The following PCNT variants were observed in gnomAD, a reference collection of about 807,000 sequenced individuals.
PCNT encodes kendrin.
PCNT carries 319 observed loss-of-function variants against 380.4 expected under a neutral mutation model. That is an observed-to-expected ratio of 0.84 (90% CI 0.77 to 0.92). The LOEUF is 0.92. Ranked by LOEUF, PCNT falls within the 40% of genes least tolerant of loss-of-function variation. The pLI, the probability that PCNT is intolerant of heterozygous loss-of-function variation, is 0.00. For synonymous variants in PCNT, 1,845 were observed against 1,735.2 expected (o/e 1.06, Z -1.57); for missense variants, 4,400 against 4,255.3 (o/e 1.03, Z -0.95).
intron 38 of PCNT, 93 bp from the exon 39 acceptor site, chr21:46,435,811 G>A (rs1248199829): frequency 5.4e-6 from 8 of 1,479,612 alleles, no homozygotes; most frequent in Non-Finnish European, 6.6e-6. Context: ...CAAAGTGCTA[G>A]GATTACAGGC....
In PCNT at chr21:46,432,101, C is replaced by T. The variant is rs773750552; in HGVS notation, c.8637C>T (p.His2879=). Residue 2879 remains histidine, a synonymous_variant, in exon 38 of 47, where the codon CAC becomes CAT. Coordinates refer to ENST00000359568, the MANE Select transcript of PCNT (RefSeq NM_006031.6). ...TGCAGGCAGAATTAGAGCAGTCACA[C>T]CCACGGTTGAAAGAGCAAGAAGGAC... The part of the protein sequence containing the change: ...AWLQAELEQS[H]PRLKEQEGRK... 18 of 1,614,020 alleles carry T rather than the reference C, an allele frequency of 1.1e-5. No homozygotes were observed. In the South Asian group the frequency reaches 1.8e-4, roughly 16 times the overall value.
At chr21:46,405,907 TC>T (rs1231851694) in intron 27 of PCNT, among the ~76,000 whole-genome samples, 1 of 152,260 alleles carries the variant, frequency 6.6e-6, no homozygotes, top group African/African-American at 2.4e-5. Flanking sequence ...GTGGGATTTT[TC>T]TTACAGATAT....
chr21:46,424,783 C>T (rs141861158), intron 32 of PCNT, among the ~76,000 whole-genome samples: 2,112 of 150,638 alleles, frequency 0.014, 58 homozygotes, highest in African/African-American at 0.049. Flanking sequence ...CGCACCACCC[C>T]GCTCCCCTCA....
rs752985118 is a variant in PCNT at position 46,334,748 on chromosome 21, C to G, written c.619C>G (p.Gln207Glu). The change falls in exon 3 of 47, where the codon CAG becomes GAG. Residue 207 changes from glutamine to glutamate, a missense_variant. Coordinates refer to ENST00000359568, the MANE Select transcript of PCNT (RefSeq NM_006031.6). ...CACAATCAGTGACCACCCAGCAGAA[C>G]AGCGTGGGATGTTCACAAAGGTATT... Reference protein sequence around the residue: ...IFTISDHPAEQRGMFTKECEQ... With the variant: ...IFTISDHPAEERGMFTKECEQ... 10 of 1,614,118 alleles carry G rather than the reference C, an allele frequency of 6.2e-6. No individual in the cohort carries two copies. The highest frequency in any genetic ancestry group is 8.5e-6 in the Non-Finnish European group (10 of 1,180,016).
At chr21:46,393,659 G>A (rs534364666) in intron 21 of PCNT, among the ~76,000 whole-genome samples, 11 of 152,204 alleles carry the variant, frequency 7.2e-5, no homozygotes, top group East Asian at 1.9e-4. Context: ...TCTGTTGAAC[G>A]GCCCGGTGAG....
At position 46,435,935 on chromosome 21, in the gene PCNT, T is replaced by G. The variant is rs1364381952; in HGVS notation, c.8783T>G (p.Leu2928Trp). The G allele has an allele frequency of 1.2e-6, 2 of 1,614,190 alleles. No individual in the cohort carries two copies. The highest frequency in any genetic ancestry group is 2.7e-5 in the African/African-American group (2 of 75,068). The change falls in exon 39 of 47, where the codon TTG (leucine) becomes TGG (tryptophan). Residue 2928 changes from leucine to tryptophan, a missense_variant. Physicochemically the swap from Leu to Trp is moderately conservative, Grantham distance 61 (BLOSUM62 -2). Coordinates refer to ENST00000359568, the MANE Select transcript of PCNT (RefSeq NM_006031.6). Reference sequence around the variant, plus strand: ...TTAGAACTGCAGCGTCAGCGTGACTTGCATAAGATCAAGCAGCTTCAGCAG... The same window carrying G: ...TTAGAACTGCAGCGTCAGCGTGACTGGCATAAGATCAAGCAGCTTCAGCAG... ...RELELQRQRDLHKIKQLQQTV... is the reference protein window; with the variant it reads ...RELELQRQRDWHKIKQLQQTV...
At chr21:46,389,061 G>A in intron 18 of PCNT, 138 bp from the exon 19 acceptor site, 1 of 1,274,094 alleles carries the variant, frequency 7.8e-7, no homozygotes, top group South Asian at 1.3e-5. Context: ...AAATTTGTCA[G>A]CTCCCGTGGA....
chr21:46,438,934 G>C (rs1273648792), intron 41 of PCNT, among the ~76,000 whole-genome samples: 1 of 152,048 alleles, frequency 6.6e-6, no homozygotes, highest in Non-Finnish European at 1.5e-5. Context: ...CTCCCAAAGT[G>C]CTGGGATTAC....
intron 1 of PCNT, chr21:46,325,043 C>T (rs1296817999): frequency 1.0e-6 from 1 of 985,536 alleles, no homozygotes; most frequent in Non-Finnish European, 1.2e-6. Context: ...GGGACGCGCT[C>T]CCGTCTTTCT....
At chr21:46,365,024 G>A (rs1043054873) in intron 14 of PCNT, among the ~76,000 whole-genome samples, 1 of 152,246 alleles carries the variant, frequency 6.6e-6, no homozygotes, top group African/African-American at 2.4e-5. Context: ...CCTCCTGATG[G>A]GAGCAGGTCC....
chr21:46,394,088 T>C (rs1039794967), intron 21 of PCNT, among the ~76,000 whole-genome samples: 14 of 152,338 alleles, frequency 9.2e-5, no homozygotes, highest in African/African-American at 3.4e-4. Flanking sequence ...CTCACTCTGG[T>C]TTGTTTTCTT....
At chr21:46,402,615 A>G in intron 27 of PCNT, 132 bp downstream of exon 27, 3 of 903,990 alleles carry the variant, frequency 3.3e-6, no homozygotes, top group Non-Finnish European at 5.4e-6. Flanking sequence ...TGTGGCAGAC[A>G]GTGCAGAGAG....
chr21:46,357,641 C>G (rs1327717130), intron 13 of PCNT, among the ~76,000 whole-genome samples: 1 of 152,152 alleles, frequency 6.6e-6, no homozygotes, highest in Non-Finnish European at 1.5e-5. Flanking sequence ...GTTGGCCAGG[C>G]AGGTGTCAAA....
At position 46,413,101 on chromosome 21, in the gene PCNT, C is replaced by T. The variant is rs61544820; in HGVS notation, c.6150+109C>T. 3,571 of 520,582 alleles carry T rather than the reference C, an allele frequency of 6.9e-3. 63 individuals are homozygous for T. The African/African-American group carries it at 0.077, about 11-fold the overall frequency. 32.2% of individuals were successfully genotyped at this position (520,582 alleles called of 1,614,324 possible). Reference sequence around the variant, plus strand: ...AGGCCCACCCGGGAGAGGCTGGACACGCGGCAGCAAGGTGTGGGGAGCGGG... The same window carrying T: ...AGGCCCACCCGGGAGAGGCTGGACATGCGGCAGCAAGGTGTGGGGAGCGGG... On this transcript the variant is annotated intron_variant, in intron 29 of 46. Transcript: ENST00000359568.
intron 42 of PCNT, 24 bp downstream of exon 42, chr21:46,440,226 G>C (rs1379844925): frequency 1.2e-6 from 2 of 1,613,034 alleles, no homozygotes; most frequent in Non-Finnish European, 1.7e-6. Context: ...CACGAGTATA[G>C]AACTTTGGTG....
In PCNT at chr21:46,442,592, T is replaced by G; in HGVS notation, c.9700+19T>G. 1 of 1,490,920 alleles carries G rather than the reference T, an allele frequency of 6.7e-7. No individual in the cohort carries two copies. The allele number at this position is 1,490,920 out of a possible 1,614,324, so 92.4% of individuals were successfully genotyped here. A position where few individuals can be genotyped will look rare whatever the true frequency, so the allele number is the denominator to read the frequency against. Reference sequence around the variant, plus strand: ...CGCCCAGGTGGGACTCCAGCTGCTGTTGACCGCTGGACTCACAAACCTTTC... The same window carrying G: ...CGCCCAGGTGGGACTCCAGCTGCTGGTGACCGCTGGACTCACAAACCTTTC... On this transcript the variant is annotated intron_variant, in intron 44 of 46. Coordinates refer to ENST00000359568, the MANE Select transcript of PCNT (RefSeq NM_006031.6).
intron 28 of PCNT, 90 bp downstream of exon 28, chr21:46,412,157 T>G (rs970395994): frequency 7.0e-7 from 1 of 1,438,164 alleles, no homozygotes; most frequent in Non-Finnish European, 9.4e-7. Context: ...CGCTGGGCAC[T>G]GGGGGCTGCA....
chr21:46,394,479 A>G, intron 21 of PCNT: 1 of 981,006 alleles, frequency 1.0e-6, no homozygotes, highest in Non-Finnish European at 1.2e-6. Context: ...TTTCCACCTC[A>G]GTAAACGCAA....
chr21:46,357,000 G>A lies in PCNT; in HGVS notation c.1963G>A (p.Val655Met). 1 of 1,614,208 alleles carries A rather than the reference G, an allele frequency of 6.2e-7. No homozygotes were observed. The highest frequency in any genetic ancestry group is 1.7e-5 in the Admixed American group (1 of 60,038). The change falls in exon 13 of 47, where the codon GTG becomes ATG. Residue 655 changes from valine (V) to methionine (M), a missense_variant. Physicochemically the swap from Val to Met is conservative, Grantham distance 21 (BLOSUM62 1). Transcript: ENST00000359568. ...QELPWVHLQG[V>M]QDGDLEADTE... is the part of the protein sequence containing the mutation. ...GCTTCCCTGGGTGCATCTCCAGGGTGTGCAGGACGGGGACTTGGAGGCCGA... is the reference window on the plus strand; with the variant it reads ...GCTTCCCTGGGTGCATCTCCAGGGTATGCAGGACGGGGACTTGGAGGCCGA...
Sources: gnomAD v4.1 joint callset for allele counts (sites outside exome capture counted in the v4.1 genomes callset) on GRCh38, gnomAD v4.1.1 for gene constraint, MANE v1.5 for transcripts, NCBI Gene and HGNC (gene_info 2026-07-23, HGNC 2026-07-21) for gene names.